GABRA5: variants seen among roughly 807,000 people sequenced by gnomAD.
The protein encoded by GABRA5 is gamma-aminobutyric acid type A receptor subunit alpha5, also known as gamma-aminobutyric acid receptor subunit alpha-5.
GABRA5 carries 18 observed loss-of-function variants against 47.3 expected under a neutral mutation model. That is an observed-to-expected ratio of 0.38 (90% CI 0.26 to 0.56). The LOEUF is 0.56. GABRA5 is among the 20% of genes least tolerant of loss of function. The probability of loss-of-function intolerance (pLI) is 0.71; values close to 1 mark genes in which losing one functional copy is unlikely to be tolerated. For missense variants in GABRA5, 365 were observed against 599.3 expected (o/e 0.61, Z 4.08); for synonymous variants, 237 against 229.3 (o/e 1.03, Z -0.30).
chr15:26,937,365 T>G, intron 8 of GABRA5, 37 bp downstream of exon 8: 1 of 1,565,694 alleles, frequency 6.4e-7, no homozygotes, highest in Non-Finnish European at 8.6e-7. Context: ...CCAGGCGCAC[T>G]CAGGACACCA....
intron 9 of GABRA5, 54 bp from the exon 10 acceptor site, chr15:26,943,161 G>T: frequency 7.4e-7 from 1 of 1,355,054 alleles, no homozygotes. Flanking sequence ...GGTCCTGGGT[G>T]CCAGCACTGA....
intron 3 of GABRA5, among the ~76,000 whole-genome samples, chr15:26,873,236 G>A (rs1336681993): frequency 2.0e-5 from 3 of 152,074 alleles, no homozygotes; most frequent in Non-Finnish European, 4.4e-5. Context: ...GATTTAAACT[G>A]GAATTAATTT....
chr15:26,945,718 A>AGCTG (rs1252634931), intron 10 of GABRA5, among the ~76,000 whole-genome samples: 7 of 152,138 alleles, frequency 4.6e-5, no homozygotes, highest in African/African-American at 1.7e-4. Context: ...GCAGCTGGGG[A>AGCTG]GCACGTCCTT....
intron 7 of GABRA5, among the ~76,000 whole-genome samples, chr15:26,931,830 G>C (rs1015224204): frequency 6.6e-6 from 1 of 152,170 alleles, no homozygotes; most frequent in African/African-American, 2.4e-5. Context: ...CAAAGGAGAA[G>C]CCTCATCTGG....
intron 7 of GABRA5, among the ~76,000 whole-genome samples, chr15:26,923,414 A>G (rs1893886608): frequency 6.6e-6 from 1 of 151,998 alleles, no homozygotes; most frequent in Admixed American, 6.5e-5. Flanking sequence ...AAAATGTGCC[A>G]CTTCCTTCTT....
rs1555391756 is a variant in GABRA5 at position 26,911,388 on chromosome 15, C to CACACACACAA, written c.498-3405_498-3396dup. Among the ~76,000 whole-genome samples the CACACACACAA allele has an allele frequency of 7.5e-5, 11 of 146,766 alleles. No homozygotes were observed. The East Asian group carries it at 8.1e-4, about 11-fold the overall frequency. ...TGCTGCATGCACACACACACACACA[C>CACACACACAA]ACACACACAAACACACACACTCCTG... On this transcript the variant is annotated intron_variant, in intron 6 of 10. Coordinates refer to ENST00000335625, the MANE Select transcript of GABRA5 (RefSeq NM_000810.4).
chr15:26,917,436 G>A (rs533628844), intron 7 of GABRA5, among the ~76,000 whole-genome samples: 4 of 151,940 alleles, frequency 2.6e-5, no homozygotes, highest in Non-Finnish European at 5.9e-5. Context: ...GCTTGGATAC[G>A]AATCTCTTAA....
At chr15:26,941,320 T>A (rs975110050) in intron 9 of GABRA5, among the ~76,000 whole-genome samples, 1 of 151,456 alleles carries the variant, frequency 6.6e-6, no homozygotes, top group Non-Finnish European at 1.5e-5. Flanking sequence ...TGGCGGGGGG[T>A]GGAGGGAGAT....
intron 7 of GABRA5, among the ~76,000 whole-genome samples, chr15:26,924,248 C>A (rs983041204): frequency 2.0e-5 from 3 of 149,242 alleles, no homozygotes; most frequent in Admixed American, 6.8e-5. Flanking sequence ...CAGGTTCCAG[C>A]TTAGCCTCTA....
In GABRA5 at chr15:26,939,934, C is replaced by G; in HGVS notation, c.734C>G (p.Thr245Arg). Residue 245 changes from threonine to arginine, a missense_variant, in exon 9 of 11, where the codon ACA becomes AGA. Coordinates refer to ENST00000335625, the MANE Select transcript of GABRA5 (RefSeq NM_000810.4). The stretch of plus-strand genomic sequence containing the variant: ...ATTTGCTTATTTGCAGGCGAATACA[C>G]AATCATGACAGCTCACTTCCACCTG... ...ENISTSTGEY[T>R]IMTAHFHLKR... is the part of the protein sequence containing the mutation. The G allele has an allele frequency of 6.2e-7, 1 of 1,613,984 alleles. No individual in the cohort carries two copies. The highest frequency in any genetic ancestry group is 1.7e-5 in the Admixed American group (1 of 60,024).
chr15:26,931,697 T>C (rs1171558230), intron 7 of GABRA5, among the ~76,000 whole-genome samples: 1 of 152,170 alleles, frequency 6.6e-6, no homozygotes, highest in African/African-American at 2.4e-5. Context: ...AATTCATAGA[T>C]GGGAATATTT....
chr15:26,911,307 TA>T (rs986607681), intron 6 of GABRA5, among the ~76,000 whole-genome samples: 3 of 152,188 alleles, frequency 2.0e-5, no homozygotes, highest in African/African-American at 7.2e-5. Flanking sequence ...TGCCTTTTTT[TA>T]GATCCAGCTA....
intron 7 of GABRA5, among the ~76,000 whole-genome samples, chr15:26,919,350 A>AT (rs1457863212): frequency 8.8e-6 from 1 of 113,554 alleles, no homozygotes; most frequent in Non-Finnish European, 1.8e-5. Context: ...TTTGTGCTTC[A>AT]TTATTTTTTT....
intron 7 of GABRA5, among the ~76,000 whole-genome samples, chr15:26,925,686 T>G (rs2140303938): frequency 6.6e-6 from 1 of 152,378 alleles, no homozygotes; most frequent in Non-Finnish European, 1.5e-5. Context: ...CAGGTCCTTT[T>G]TTTTTGTTTC....
rs554574152 is a variant in GABRA5, at chr15:26,945,751, G to A, written c.1090-2183G>A. Among the ~76,000 whole-genome samples, 38 of 152,288 alleles carry A rather than the reference G, an allele frequency of 2.5e-4. No homozygotes were observed. The South Asian group carries it at 7.4e-3, about 30-fold the overall frequency. ...CTTCTGGCAAGGCGGATTCCAGGGCGCGTGTAAATCTCCACCACCAGCGCC... is the reference window on the plus strand; with the variant it reads ...CTTCTGGCAAGGCGGATTCCAGGGCACGTGTAAATCTCCACCACCAGCGCC... On this transcript the variant is annotated intron_variant, in intron 10 of 10. Coordinates refer to ENST00000335625, the MANE Select transcript of GABRA5 (RefSeq NM_000810.4).
chr15:26,889,975 A>G (rs1432645167), intron 6 of GABRA5, among the ~76,000 whole-genome samples: 5 of 152,242 alleles, frequency 3.3e-5, no homozygotes, highest in African/African-American at 9.6e-5. Context: ...TTTTGTGAAT[A>G]GCTTTACAAT....
chr15:26,872,789 G>A (rs767786317), intron 3 of GABRA5, among the ~76,000 whole-genome samples: 4 of 152,208 alleles, frequency 2.6e-5, no homozygotes, highest in South Asian at 2.1e-4. Context: ...GGCTATGTGC[G>A]TGGACCAAGT....
intron 6 of GABRA5, among the ~76,000 whole-genome samples, chr15:26,890,109 G>A (rs531541423): frequency 1.2e-4 from 18 of 152,218 alleles, no homozygotes; most frequent in Middle Eastern, 3.4e-3. Context: ...AAAAATTCAC[G>A]ATACATCTAT....
At chr15:26,886,455 G>A (rs1443145883) in intron 6 of GABRA5, among the ~76,000 whole-genome samples, 1 of 152,188 alleles carries the variant, frequency 6.6e-6, no homozygotes, top group Non-Finnish European at 1.5e-5. Flanking sequence ...TACTGAGTCT[G>A]TATAGCAGGC....
Sources: allele counts gnomAD v4.1 joint callset (sites outside exome capture counted in the v4.1 genomes callset), GRCh38; gene constraint gnomAD v4.1.1; transcripts MANE v1.5; gene names NCBI Gene and HGNC (gene_info 2026-07-23, HGNC 2026-07-21).